ADGRE1: variants seen among roughly 807,000 people sequenced by gnomAD.
ADGRE1 encodes the protein adhesion G protein-coupled receptor E1, also known as EGF-like module receptor 1.
Under a neutral mutation model 102.7 loss-of-function variants are expected in ADGRE1, and 82 were observed. The observed-to-expected ratio is 0.80, with a 90% CI of 0.67 to 0.96. ADGRE1 has a LOEUF of 0.96. Among genes scored for constraint, ADGRE1 ranks in the 40% least tolerant of loss-of-function variants. The pLI is 0.00. For missense variants in ADGRE1, 1,032 were observed against 1,085.3 expected (o/e 0.95, Z 0.69); for synonymous variants, 398 against 399.6 (o/e 1.00, Z 0.05).
At chr19:6,897,744 T>G (rs905768779) in intron 5 of ADGRE1, 197 bp downstream of exon 5, 3 of 452,858 alleles carry the variant, frequency 6.6e-6, no homozygotes, top group African/African-American at 6.2e-5. Context: ...GCTAGGTAGG[T>G]CTCTTGTAGC....
chr19:6,891,946 C>A (rs536868390), intron 2 of ADGRE1, among the ~76,000 whole-genome samples: 1 of 151,888 alleles, frequency 6.6e-6, no homozygotes, highest in Non-Finnish European at 1.5e-5. Flanking sequence ...GAGGACCGAG[C>A]GAAGGTGAGT....
At chr19:6,888,065 G>A (rs571444808) in intron 1 of ADGRE1, among the ~76,000 whole-genome samples, 1 of 152,226 alleles carries the variant, frequency 6.6e-6, no homozygotes, top group African/African-American at 2.4e-5. Context: ...ATGACATTGG[G>A]TCATTATTAG....
rs770567929 is a variant in ADGRE1 at position 6,924,737 on chromosome 19, C to T, written c.1851C>T (p.Leu617=). ...HVGIIISLVC[L]VLAIATFLLC... ...GCATTATCATCTCCTTGGTGTGCCTCGTCTTGGCCATCGCCACCTTTCTGC... is the reference window on the plus strand; with the variant it reads ...GCATTATCATCTCCTTGGTGTGCCTTGTCTTGGCCATCGCCACCTTTCTGC... Residue 617 remains leucine (L), a synonymous_variant, in exon 15 of 21, where the codon CTC becomes CTT. Transcript: ENST00000312053. 4.9e-5 allele frequency: 79 copies of T among 1,614,178 alleles called. No individual in the cohort carries two copies. Among genetic ancestry groups the T allele is most frequent in the Non-Finnish European group, 6.4e-5 (75 of 1,180,034 alleles).
At position 6,890,421 on chromosome 19, in the gene ADGRE1, GTTTT is replaced by G. The variant is rs57355800; in HGVS notation, c.32-40_32-37del. 2,589 of 448,434 alleles carry G rather than the reference GTTTT, an allele frequency of 5.8e-3. 1 individual carries two copies. Among genetic ancestry groups the G allele is most frequent in the African/African-American group, 0.011 (294 of 27,126 alleles). 27.8% of individuals were successfully genotyped at this position (448,434 alleles called of 1,614,324 possible). On this transcript the variant is annotated intron_variant, in intron 1 of 20. Transcript: ENST00000312053. ...TAATTTTGCAGGTTGAGCCCAAAAG[GTTTT>G]TTTTTTTTTTTTTTTTTTTGGTGGT...
At chr19:6,928,818 C>T (rs141477197) in intron 17 of ADGRE1, among the ~76,000 whole-genome samples, 256 of 152,046 alleles carry the variant, frequency 1.7e-3, no homozygotes, top group African/African-American at 5.8e-3. Context: ...CCTGTAATCC[C>T]AGCTACTCAG....
intron 6 of ADGRE1, among the ~76,000 whole-genome samples, 196 bp from the exon 7 acceptor site, chr19:6,903,614 A>G (rs1382746455): frequency 3.3e-5 from 5 of 152,136 alleles, no homozygotes; most frequent in Admixed American, 6.5e-5. Context: ...CTGAAGTGAC[A>G]TATATCATGG....
At chr19:6,928,550 C>T in intron 17 of ADGRE1, 1 of 346,446 alleles carries the variant, frequency 2.9e-6, no homozygotes, top group South Asian at 3.7e-5. Flanking sequence ...TCGCTTGAAT[C>T]CAGGAGACAT....
chr19:6,906,172 A>G (rs1478261595), intron 8 of ADGRE1, among the ~76,000 whole-genome samples: 1 of 152,218 alleles, frequency 6.6e-6, no homozygotes, highest in East Asian at 1.9e-4. Context: ...TATAAAAGAC[A>G]TACATCCACA....
intron 5 of ADGRE1, among the ~76,000 whole-genome samples, chr19:6,900,704 T>A (rs330885): frequency 0.37 from 56,247 of 151,994 alleles, 12,241 homozygotes; most frequent in African/African-American, 0.6. Context: ...CATTCATTTA[T>A]GGGATGGTGA....
chr19:6,926,659 G>A, intron 16 of ADGRE1, 58 bp downstream of exon 16: 5 of 1,542,988 alleles, frequency 3.2e-6, no homozygotes, highest in Non-Finnish European at 3.6e-6. Flanking sequence ...TGGTGATAAT[G>A]ACATGAGCAA....
At chr19:6,892,582 GC>G (rs2144881955) in intron 2 of ADGRE1, among the ~76,000 whole-genome samples, 1 of 152,190 alleles carries the variant, frequency 6.6e-6, no homozygotes, top group Admixed American at 6.5e-5. Context: ...CCAACCAGTG[GC>G]CAGAAGGCTC....
chr19:6,938,550 C>T (rs938899052), intron 20 of ADGRE1, among the ~76,000 whole-genome samples: 32 of 151,802 alleles, frequency 2.1e-4, no homozygotes, highest in African/African-American at 7.5e-4. Flanking sequence ...GTCTAGCACA[C>T]AGTAAGTTCT....
rs374112655 is a variant in ADGRE1, at chr19:6,924,886, G to A, written c.1986+14G>A. 4.1e-5 allele frequency: 66 copies of A among 1,612,574 alleles called. No homozygotes were observed. Among genetic ancestry groups the A allele is most frequent in the Middle Eastern group, 3.3e-4 (2 of 6,076 alleles). On this transcript the variant is annotated intron_variant, in intron 15 of 20. Coordinates refer to ENST00000312053, the MANE Select transcript of ADGRE1 (RefSeq NM_001974.5). ...ACTGACAACAAGGTCTACATCGCTC[G>A]GGCTGTGTCCCCACCAAGCCCCATC...
intron 12 of ADGRE1, 133 bp from the exon 13 acceptor site, chr19:6,919,405 ACTCTCTCTCT>A (rs139161692): frequency 2.3e-4 from 110 of 472,600 alleles, no homozygotes; most frequent in African/African-American, 4.4e-4. Flanking sequence ...GAGGTGCATG[ACTCTCTCTCT>A]CTCTCTCTCT....
At chr19:6,897,992 T>C (rs1265414316) in intron 5 of ADGRE1, 1 of 187,130 alleles carries the variant, frequency 5.3e-6, no homozygotes, top group African/African-American at 2.4e-5. Flanking sequence ...TCTCTGATCA[T>C]GTAAATAATT....
At chr19:6,907,589 C>T (rs554035073) in intron 9 of ADGRE1, among the ~76,000 whole-genome samples, 1 of 152,284 alleles carries the variant, frequency 6.6e-6, no homozygotes, top group South Asian at 2.1e-4. Context: ...ATCCACCTGC[C>T]TCAGCCTCCC....
At chr19:6,928,721 G>A (rs1319914188) in intron 17 of ADGRE1, 2 of 158,880 alleles carry the variant, frequency 1.3e-5, no homozygotes, top group Non-Finnish European at 2.8e-5. Flanking sequence ...GATCACTTGA[G>A]GTCAGGAGTT....
Position 6,897,221 on chromosome 19 carries a change from A to G in ADGRE1, c.311A>G (p.Tyr104Cys). ...NSSCKNLSGR[Y>C]KCSCLDGFSS... ...TCCTGCAAAAACCTGTCAGGGAGGT[A>G]CAAGTGCAGCTGTTTAGATGGTTTC... Residue 104 changes from tyrosine to cysteine, a missense_variant, in exon 4 of 21, where the codon TAC (tyrosine) becomes TGC (cysteine). Tyr to Cys is a radical substitution (Grantham distance 194). Transcript: ENST00000312053. The G allele has an allele frequency of 6.2e-7, 1 of 1,613,746 alleles. No individual in the cohort carries two copies.
intron 2 of ADGRE1, 27 bp from the exon 3 acceptor site, chr19:6,896,371 C>A: frequency 6.2e-7 from 1 of 1,610,460 alleles, no homozygotes. Flanking sequence ...CTAATCTTGT[C>A]TAAACTTTTC....
Sources: gnomAD v4.1 joint callset for allele counts (sites outside exome capture counted in the v4.1 genomes callset) on GRCh38, gnomAD v4.1.1 for gene constraint, MANE v1.5 for transcripts, NCBI Gene and HGNC (gene_info 2026-07-23, HGNC 2026-07-21) for gene names.